EPB41L4A: variants seen among roughly 807,000 people sequenced by gnomAD.
EPB41L4A encodes band 4.1-like protein 4A.
A neutral mutation model predicts 108.6 loss-of-function variants in EPB41L4A; 100 were observed. The observed-to-expected ratio is 0.92, with a 90% confidence interval of 0.78 to 1.09. The LOEUF is 1.09. Ranked by LOEUF, EPB41L4A falls within the 50% of genes least tolerant of loss-of-function variation. The pLI is 0.00. For missense variants in EPB41L4A, 1,030 were observed against 842.7 expected (o/e 1.22, Z -2.75); for synonymous variants, 319 against 289.0 (o/e 1.10, Z -1.05).
At position 112,314,027 on chromosome 5, in the gene EPB41L4A, C is replaced by T. The variant is rs558179384; in HGVS notation, c.100-6537G>A. On this transcript the variant is annotated intron_variant, in intron 1 of 22. Coordinates refer to ENST00000261486, the MANE Select transcript of EPB41L4A (RefSeq NM_022140.5). ...TACAGGTGCCCACCACCATGCCCGG[C>T]TAATTTGTATTTTTAGTAGACGGGG... Among the ~76,000 whole-genome samples, 8 of 151,914 alleles carry T rather than the reference C, an allele frequency of 5.3e-5. No individual in the cohort carries two copies. In the East Asian group the frequency reaches 9.8e-4, roughly 19 times the overall value.
At chr5:112,415,603 G>A (rs899463172) in intron 1 of EPB41L4A, among the ~76,000 whole-genome samples, 9 of 152,144 alleles carry the variant, frequency 5.9e-5, no homozygotes, top group African/African-American at 2.2e-4. Flanking sequence ...CCACATTCAA[G>A]TTTTGCTAAG....
intron 18 of EPB41L4A, 103 bp from the exon 19 acceptor site, chr5:112,171,095 G>T: frequency 9.9e-7 from 1 of 1,005,578 alleles, no homozygotes; most frequent in Non-Finnish European, 1.5e-6. Flanking sequence ...TTATTTGCCA[G>T]CTGAGAACAG....
chr5:112,400,375 T>A (rs562772783), intron 1 of EPB41L4A, among the ~76,000 whole-genome samples: 1 of 151,974 alleles, frequency 6.6e-6, no homozygotes, highest in African/African-American at 2.4e-5. Context: ...CCAAACCATA[T>A]CACTGGGTCA....
chr5:112,279,055 A>T (rs1752790490), intron 3 of EPB41L4A, among the ~76,000 whole-genome samples: 1 of 135,462 alleles, frequency 7.4e-6, no homozygotes, highest in Non-Finnish European at 1.6e-5. Context: ...CCAGAGCAAG[A>T]TACCGTCTCA....
intron 22 of EPB41L4A, 69 bp downstream of exon 22, chr5:112,168,670 C>G: frequency 7.7e-7 from 1 of 1,302,082 alleles, no homozygotes; most frequent in Non-Finnish European, 1.1e-6. Flanking sequence ...AAGGAACTTT[C>G]CAAAGCACAA....
In EPB41L4A at chr5:112,403,633, A is replaced by T. The variant is rs188514008; in HGVS notation, c.99+15308T>A. ...ACAGGCTCACACCACCATGCTGGCT[A>T]ATTACTTTTATTTTGTAGAGACGGG... On this transcript the variant is annotated intron_variant, in intron 1 of 22. Coordinates refer to ENST00000261486, the MANE Select transcript of EPB41L4A (RefSeq NM_022140.5). Among the ~76,000 whole-genome samples the T allele has an allele frequency of 7.9e-5, 12 of 152,138 alleles. No homozygotes were observed. In the East Asian group the frequency reaches 2.1e-3, roughly 27 times the overall value.
intron 12 of EPB41L4A, among the ~76,000 whole-genome samples, chr5:112,222,307 A>G (rs1221237812): frequency 2.0e-5 from 3 of 152,202 alleles, no homozygotes; most frequent in Non-Finnish European, 4.4e-5. Flanking sequence ...CTTTCCAAGC[A>G]TGTACCATAG....
chr5:112,307,396 C>T lies in EPB41L4A; in HGVS notation c.194G>A (p.Ser65Asn), dbSNP rs772783704. The T allele has an allele frequency of 2.5e-6, 4 of 1,608,750 alleles. No individual in the cohort carries two copies. The Admixed American group carries it at 5.0e-5, about 20-fold the overall frequency. ...AGTCACCTTACTCACCGTCTGATGG[C>T]TTCTGTCACAGTAACGTAGCCCAAA... ...DYFGLRYCDRSHQTYWLDPAK... is the reference protein window; with the variant it reads ...DYFGLRYCDRNHQTYWLDPAK... Residue 65 changes from serine to asparagine, a missense_variant, in exon 2 of 23, where the codon AGC becomes AAC. Coordinates refer to ENST00000261486, the MANE Select transcript of EPB41L4A (RefSeq NM_022140.5).
intron 1 of EPB41L4A, among the ~76,000 whole-genome samples, chr5:112,329,139 T>C (rs1373572606): frequency 6.6e-6 from 1 of 152,198 alleles, no homozygotes. Context: ...ACTATAAATA[T>C]AAAATACACA....
Position 112,262,531 on chromosome 5 carries a change from G to T in EPB41L4A, c.605C>A (p.Ser202Tyr), listed in dbSNP as rs1230326070. The T allele has an allele frequency of 1.4e-5, 22 of 1,614,002 alleles. No individual in the cohort carries two copies. Among genetic ancestry groups the T allele is most frequent in the Middle Eastern group, 3.3e-4 (2 of 6,062 alleles). ...AELNYLRTAK[S>Y]LEMYGVDLHP... Reference sequence around the variant, plus strand: ...GAGGTCAACGCCATACATCTCCAGGGATTTGGCAGTCCTCAAGTAATTCAG... The same window carrying T: ...GAGGTCAACGCCATACATCTCCAGGTATTTGGCAGTCCTCAAGTAATTCAG... Residue 202 changes from serine to tyrosine, a missense_variant, in exon 7 of 23, where the codon TCC (serine) becomes TAC (tyrosine). By Grantham distance (144) the Ser-to-Tyr change is moderately radical. Coordinates refer to ENST00000261486, the MANE Select transcript of EPB41L4A (RefSeq NM_022140.5).
At chr5:112,300,977 T>C (rs1231468023) in intron 2 of EPB41L4A, among the ~76,000 whole-genome samples, 1 of 152,180 alleles carries the variant, frequency 6.6e-6, no homozygotes, top group Non-Finnish European at 1.5e-5. Context: ...TCTAAGTGTG[T>C]CCTTTATTTT....
intron 1 of EPB41L4A, among the ~76,000 whole-genome samples, chr5:112,409,847 A>C (rs1473836281): frequency 6.6e-6 from 1 of 152,120 alleles, no homozygotes; most frequent in African/African-American, 2.4e-5. Flanking sequence ...GAGAAAGCCA[A>C]CTCAAAGAGG....
intron 1 of EPB41L4A, among the ~76,000 whole-genome samples, chr5:112,358,005 T>C (rs1380921792): frequency 2.0e-5 from 3 of 152,208 alleles, no homozygotes; most frequent in Admixed American, 6.5e-5. Context: ...CAAGTGACCA[T>C]GGTGGAAAGA....
At chr5:112,193,289 T>C (rs373577743) in intron 17 of EPB41L4A, among the ~76,000 whole-genome samples, 3 of 152,126 alleles carry the variant, frequency 2.0e-5, no homozygotes, top group Non-Finnish European at 2.9e-5. Flanking sequence ...CTCACTTTTC[T>C]TTCTTTCTTT....
intron 1 of EPB41L4A, among the ~76,000 whole-genome samples, chr5:112,346,616 T>C (rs1296075410): frequency 2.6e-5 from 4 of 152,208 alleles, no homozygotes; most frequent in African/African-American, 4.8e-5. Flanking sequence ...ACTTTGAGTA[T>C]AGATCATTCT....
intron 12 of EPB41L4A, among the ~76,000 whole-genome samples, chr5:112,154,972 T>A (rs1193453772): frequency 2.0e-5 from 3 of 152,310 alleles, no homozygotes; most frequent in South Asian, 4.1e-4. Flanking sequence ...TGTATACTTT[T>A]CTAGGAACTT....
chr5:112,146,163 T>C (rs1759247806), intron 12 of EPB41L4A, among the ~76,000 whole-genome samples: 1 of 152,178 alleles, frequency 6.6e-6, no homozygotes, highest in African/African-American at 2.4e-5. Context: ...AAATTACTAC[T>C]CCCCCTTTTT....
chr5:112,194,909 C>A (rs946948173), intron 16 of EPB41L4A, among the ~76,000 whole-genome samples: 2 of 151,956 alleles, frequency 1.3e-5, no homozygotes, highest in South Asian at 2.1e-4. Flanking sequence ...CAGAACGGAC[C>A]GCAAAATCAA....
intron 12 of EPB41L4A, among the ~76,000 whole-genome samples, chr5:112,219,469 G>C (rs992148867): frequency 6.6e-6 from 1 of 151,894 alleles, no homozygotes; most frequent in Non-Finnish European, 1.5e-5. Flanking sequence ...CCAGTCTCAG[G>C]TATTTCTTCA....
Sources: allele counts gnomAD v4.1 joint callset (sites outside exome capture counted in the v4.1 genomes callset), GRCh38; gene constraint gnomAD v4.1.1; transcripts MANE v1.5; gene names NCBI Gene and HGNC (gene_info 2026-07-23, HGNC 2026-07-21).